Variants in PDE8B observed in about 807,000 individuals in gnomAD.
The protein encoded by PDE8B is phosphodiesterase 8B.
Under a neutral mutation model 101.3 loss-of-function variants are expected in PDE8B, and 26 were observed. The observed-to-expected ratio is 0.26, with a 90% CI of 0.19 to 0.36. PDE8B has a LOEUF of 0.36. Among genes scored for constraint, PDE8B ranks in the 10% least tolerant of loss-of-function variants. PDE8B has a pLI of 1.00. For synonymous variants in PDE8B, 424 were observed against 429.3 expected (o/e 0.99, Z 0.15); for missense variants, 810 against 1,163.1 (o/e 0.70, Z 4.42).
intron 1 of PDE8B, among the ~76,000 whole-genome samples, chr5:77,244,800 A>G (rs1037791908): frequency 2.1e-4 from 32 of 152,048 alleles, no homozygotes; most frequent in African/African-American, 7.3e-4. Context: ...TAGGATTCCA[A>G]CCAAGACTGG....
At chr5:77,177,690 C>T in the PDE8B span, among the ~76,000 whole-genome samples, 2 of 152,226 alleles carry the variant, frequency 1.3e-5, no homozygotes, top group African/African-American at 4.8e-5. Context: ...AACACCAGCA[C>T]TGGAATACCA....
intron 1 of PDE8B, chr5:77,291,383 G>A (rs1767305897): frequency 1.2e-6 from 2 of 1,611,846 alleles, no homozygotes; most frequent in African/African-American, 2.7e-5. Context: ...ATGGGGGCAA[G>A]GTTATGGATC....
At chr5:77,115,768 A>G in the PDE8B span, among the ~76,000 whole-genome samples, 1 of 152,320 alleles carries the variant, frequency 6.6e-6, no homozygotes, top group East Asian at 1.9e-4. Context: ...TAACATTTGA[A>G]AGCAAAACAA....
the PDE8B span, among the ~76,000 whole-genome samples, chr5:77,090,582 AT>A: frequency 1.3e-5 from 2 of 152,024 alleles, no homozygotes; most frequent in African/African-American, 2.4e-5. Context: ...CGAAGAGAAG[AT>A]TTTTTTTCTA....
chr5:77,195,393 C>A, the PDE8B span, among the ~76,000 whole-genome samples: 1 of 152,208 alleles, frequency 6.6e-6, no homozygotes, highest in African/African-American at 2.4e-5. Context: ...TAGCATTCTA[C>A]CATTTTACTT....
At chr5:77,356,655 C>T (rs1253866205) in intron 10 of PDE8B, among the ~76,000 whole-genome samples, 8 of 152,266 alleles carry the variant, frequency 5.3e-5, no homozygotes, top group African/African-American at 1.9e-4. Flanking sequence ...GTCTTGAACT[C>T]CTGACCTCAG....
At chr5:77,189,641 C>T in the PDE8B span, among the ~76,000 whole-genome samples, 2 of 152,224 alleles carry the variant, frequency 1.3e-5, no homozygotes, top group Admixed American at 6.5e-5. Context: ...TCGGCATGCC[C>T]ATGGTGCAGC....
intron 10 of PDE8B, among the ~76,000 whole-genome samples, chr5:77,385,373 A>C (rs963406721): frequency 6.7e-6 from 1 of 149,170 alleles, no homozygotes; most frequent in Non-Finnish European, 1.5e-5. Context: ...TTTCTTCTTT[A>C]TTAGTCTGGC....
chr5:77,426,302 G>A, intron 21 of PDE8B, 143 bp from the exon 22 acceptor site: 1 of 692,372 alleles, frequency 1.4e-6, no homozygotes, highest in Admixed American at 2.2e-5. Context: ...AGAAACTAGT[G>A]TTTAATGACT....
Position 77,211,718 on chromosome 5 carries a change from G to A in PDE8B, c.339+454G>A, listed in dbSNP as rs1191978005. The stretch of plus-strand genomic sequence containing the variant: ...CAGGATAGATAGTGCCCCATATTCC[G>A]ATTTTTACCTGGGATTACCAGCCAG... On this transcript the variant is annotated intron_variant, in intron 1 of 21. Transcript: ENST00000264917. The surrounding 1 kb of genome is among the most constrained non-coding windows in gnomAD (Gnocchi z 4.1). 6.6e-6 allele frequency among the ~76,000 whole-genome samples: 1 copy of A among 152,246 alleles called. No homozygotes were observed. The highest frequency in any genetic ancestry group is 1.5e-5 in the Non-Finnish European group (1 of 68,046).
intron 2 of PDE8B, among the ~76,000 whole-genome samples, chr5:77,322,815 G>A (rs1775336517): frequency 6.6e-6 from 1 of 151,510 alleles, no homozygotes; most frequent in Non-Finnish European, 1.5e-5. Flanking sequence ...TATTTATTGT[G>A]TGTGCCTCTA....
At chr5:77,115,247 T>G in the PDE8B span, 2 of 152,336 alleles carry the variant, frequency 1.3e-5, no homozygotes, top group East Asian at 3.9e-4. Context: ...TTTCTTTAAC[T>G]GGAGTGAGAG....
chr5:77,231,721 A>C (rs1370476122), intron 1 of PDE8B, among the ~76,000 whole-genome samples: 2 of 152,218 alleles, frequency 1.3e-5, no homozygotes, highest in Non-Finnish European at 2.9e-5. Context: ...GAGCATAGAT[A>C]AGGAAAGACA....
In PDE8B at chr5:77,210,909, G is replaced by T. The variant is rs1482416600; in HGVS notation, c.-17G>T. 2 of 1,350,858 alleles carry T rather than the reference G, an allele frequency of 1.5e-6. No homozygotes were observed. Among genetic ancestry groups the T allele is most frequent in the East Asian group, 6.4e-5 (2 of 31,488 alleles). The allele number at this position is 1,350,858 out of a possible 1,614,324, so 83.7% of individuals were successfully genotyped here. A position where few individuals can be genotyped will look rare whatever the true frequency, so the allele number is the denominator to read the frequency against. ...GCCGCGGGCGCGGGCGGGCGCGCGG[G>T]GGAGCCCGGCCGAGGGATGGGCTGC... On this transcript the variant is annotated 5_prime_UTR_variant, in exon 1 of 22. Transcript: ENST00000264917. This position sits in a 1 kb window ranked among gnomAD's most constrained non-coding sequence, Gnocchi z 4.9.
intron 1 of PDE8B, among the ~76,000 whole-genome samples, chr5:77,228,269 T>C (rs1237197518): frequency 6.6e-6 from 1 of 152,164 alleles, no homozygotes; most frequent in Non-Finnish European, 1.5e-5. Flanking sequence ...AGACAGTCTC[T>C]TTTATCAGTA....
At chr5:77,378,454 T>C (rs1317028947) in intron 10 of PDE8B, among the ~76,000 whole-genome samples, 20 of 40,200 alleles carry the variant, frequency 5.0e-4, no homozygotes, top group East Asian at 1.6e-3. Context: ...CAAGACTCCA[T>C]CTAAAAAAAA....
At chr5:77,336,839 C>G (rs1778281986) in intron 5 of PDE8B, among the ~76,000 whole-genome samples, 1 of 152,180 alleles carries the variant, frequency 6.6e-6, no homozygotes, top group African/African-American at 2.4e-5. Flanking sequence ...AGTAGGCTCT[C>G]CCTTCCAAAG....
intron 1 of PDE8B, among the ~76,000 whole-genome samples, chr5:77,298,989 A>G (rs1247496750): frequency 6.6e-6 from 1 of 152,222 alleles, no homozygotes; most frequent in Admixed American, 6.5e-5. Context: ...AGGACTTTGT[A>G]GTTAAATCAC....
intron 10 of PDE8B, among the ~76,000 whole-genome samples, chr5:77,358,047 C>T (rs996371143): frequency 6.6e-6 from 1 of 152,182 alleles, no homozygotes; most frequent in African/African-American, 2.4e-5. Context: ...CTGTTTCTCT[C>T]ATCCCTTACC....
Sources: gnomAD v4.1 joint callset for allele counts (sites outside exome capture counted in the v4.1 genomes callset) on GRCh38, gnomAD v4.1.1 for gene constraint, Gnocchi (gnomAD v3.1) non-coding constraint, MANE v1.5 for transcripts, NCBI Gene and HGNC (gene_info 2026-07-23, HGNC 2026-07-21) for gene names.